Variants in POU2F1 observed in about 807,000 individuals in gnomAD.
POU2F1 encodes POU domain, class 2, transcription factor 1.
A neutral mutation model predicts 84.9 loss-of-function variants in POU2F1; 16 were observed. That is an observed-to-expected ratio of 0.19 (90% CI 0.13 to 0.29). The LOEUF (loss-of-function observed/expected upper bound fraction) is 0.29, where lower values mean the gene tolerates loss of function less well. Among genes scored for constraint, POU2F1 ranks in the 10% least tolerant of loss-of-function variants. The pLI is 1.00. For synonymous variants in POU2F1, 368 were observed against 368.3 expected (o/e 1.00, Z 0.01); for missense variants, 738 against 942.6 (o/e 0.78, Z 2.84).
At chr1:167,237,780 T>A (rs1435829936) in intron 1 of POU2F1, among the ~76,000 whole-genome samples, 2 of 118,544 alleles carry the variant, frequency 1.7e-5, no homozygotes, top group African/African-American at 7.4e-5. Context: ...ATATTTTTTT[T>A]TTTTTTTTTT....
At chr1:167,273,832 A>T (rs995828253) in intron 1 of POU2F1, among the ~76,000 whole-genome samples, 2 of 152,258 alleles carry the variant, frequency 1.3e-5, no homozygotes, top group Non-Finnish European at 2.9e-5. Context: ...ATTGCTTAAG[A>T]TAGAAAAATA....
At chr1:167,306,681 A>G in intron 1 of POU2F1, among the ~76,000 whole-genome samples, 1 of 152,112 alleles carries the variant, frequency 6.6e-6, no homozygotes, top group East Asian at 1.9e-4. Flanking sequence ...AGGTATTAGT[A>G]GGTTTGGTTC....
chr1:167,315,883 C>T (rs533834361), intron 1 of POU2F1, among the ~76,000 whole-genome samples: 11 of 151,276 alleles, frequency 7.3e-5, no homozygotes, highest in East Asian at 3.9e-4. Context: ...TAATATTCAA[C>T]GAGAAAAAGG....
intron 2 of POU2F1, among the ~76,000 whole-genome samples, chr1:167,362,676 T>A (rs964000181): frequency 2.6e-5 from 4 of 152,218 alleles, no homozygotes; most frequent in African/African-American, 9.6e-5. Flanking sequence ...CCACTGGCTC[T>A]AGGCCACTAC....
intron 1 of POU2F1, among the ~76,000 whole-genome samples, chr1:167,248,291 T>C (rs1464067836): frequency 1.3e-5 from 2 of 152,250 alleles, no homozygotes; most frequent in Non-Finnish European, 2.9e-5. Flanking sequence ...TGCTTTGTTA[T>C]ACCTTGCAAG....
intron 13 of POU2F1, among the ~76,000 whole-genome samples, chr1:167,403,668 T>C (rs893470988): frequency 7.2e-5 from 11 of 152,236 alleles, no homozygotes; most frequent in South Asian, 2.1e-4. Flanking sequence ...ATACAACTTA[T>C]GTAATGCAAT....
At chr1:167,240,519 G>C (rs911188273) in intron 1 of POU2F1, among the ~76,000 whole-genome samples, 2 of 152,090 alleles carry the variant, frequency 1.3e-5, no homozygotes, top group African/African-American at 4.8e-5. Context: ...ATAGAGAAGG[G>C]ATTCCTGCTG....
chr1:167,331,275 AAAAG>A (rs1340840077), intron 1 of POU2F1, among the ~76,000 whole-genome samples: 1 of 152,058 alleles, frequency 6.6e-6, no homozygotes, highest in Non-Finnish European at 1.5e-5. Flanking sequence ...TGAAACTTAT[AAAAG>A]AAAGACTCCT....
chr1:167,330,457 T>C (rs1031863776), intron 1 of POU2F1, among the ~76,000 whole-genome samples: 6 of 152,152 alleles, frequency 3.9e-5, no homozygotes, highest in Non-Finnish European at 7.4e-5. Context: ...ATTTACTCTT[T>C]GACATTTACT....
chr1:167,402,097 A>G (rs1327031637), intron 13 of POU2F1, among the ~76,000 whole-genome samples: 1 of 152,264 alleles, frequency 6.6e-6, no homozygotes, highest in Non-Finnish European at 1.5e-5. Context: ...TGCCTAGCTC[A>G]GTGCATGACA....
At chr1:167,290,631 C>A (rs1653859374) in intron 1 of POU2F1, among the ~76,000 whole-genome samples, 3 of 152,200 alleles carry the variant, frequency 2.0e-5, no homozygotes, top group Admixed American at 6.5e-5. Context: ...GCATAGTAAT[C>A]TCTCAAAATT....
chr1:167,414,167 T>C (rs1244093132), intron 15 of POU2F1, among the ~76,000 whole-genome samples: 1 of 152,202 alleles, frequency 6.6e-6, no homozygotes, highest in South Asian at 2.1e-4. Flanking sequence ...TTACATTATA[T>C]TGACTTTCTG....
In POU2F1 at chr1:167,324,507, C is replaced by G. The variant is rs141626976; in HGVS notation, c.62-7963C>G. ...TATTTATATGCTTTGGGTTAAAATA[C>G]AATCATTATGTACTTGTGTTTATGA... On this transcript the variant is annotated intron_variant, in intron 1 of 15. Transcript: ENST00000367866. 3.2e-3 allele frequency among the ~76,000 whole-genome samples: 486 copies of G among 152,248 alleles called. 1 individual carries two copies. The highest frequency in any genetic ancestry group is 0.01 in the African/African-American group (423 of 41,544).
intron 10 of POU2F1, among the ~76,000 whole-genome samples, chr1:167,397,508 G>A (rs1364759650): frequency 6.6e-6 from 1 of 152,150 alleles, no homozygotes; most frequent in Admixed American, 6.6e-5. Flanking sequence ...AAGGGCAGCA[G>A]AAATATCCAT....
chr1:167,277,757 A>G (rs915170009), intron 1 of POU2F1, among the ~76,000 whole-genome samples: 1 of 152,138 alleles, frequency 6.6e-6, no homozygotes, highest in African/African-American at 2.4e-5. Context: ...GGTGTCCCAC[A>G]TGTCAGTGAA....
intron 2 of POU2F1, chr1:167,337,874 G>T (rs1657578446): frequency 6.4e-6 from 2 of 311,970 alleles, no homozygotes; most frequent in Non-Finnish European, 1.3e-5. Context: ...GAAGGAATAG[G>T]CTAACAGTAC....
intron 1 of POU2F1, among the ~76,000 whole-genome samples, chr1:167,331,451 G>A (rs1657080367): frequency 6.6e-6 from 1 of 152,010 alleles, no homozygotes; most frequent in Non-Finnish European, 1.5e-5. Context: ...TTTGTTCTCT[G>A]TTAATAACTA....
At chr1:167,341,947 T>C (rs1282760913) in intron 2 of POU2F1, among the ~76,000 whole-genome samples, 2 of 152,104 alleles carry the variant, frequency 1.3e-5, no homozygotes, top group East Asian at 3.9e-4. Context: ...TGATTTCCTC[T>C]TTGACCACCC....
At position 167,241,383 on chromosome 1, in the gene POU2F1, A is replaced by T. The variant is rs535805136; in HGVS notation, c.61+20425A>T. 4 of 152,306 alleles carry T rather than the reference A, an allele frequency of 2.6e-5. No individual in the cohort carries two copies. In the South Asian group the frequency reaches 8.3e-4, roughly 32 times the overall value. The allele number at this position is 152,306 out of a possible 1,614,324, so 9.4% of individuals were successfully genotyped here. A position where few individuals can be genotyped will look rare whatever the true frequency, so the allele number is the denominator to read the frequency against. On this transcript the variant is annotated intron_variant, in intron 1 of 15. Coordinates refer to ENST00000367866, the MANE Select transcript of POU2F1 (RefSeq NM_002697.4). ...ATTTCGTTTTAAAAGGAAGGAATTAATCAGGAACCTTTTATGATTCTAGCT... is the reference window on the plus strand; with the variant it reads ...ATTTCGTTTTAAAAGGAAGGAATTATTCAGGAACCTTTTATGATTCTAGCT...
Sources: allele counts gnomAD v4.1 joint callset (sites outside exome capture counted in the v4.1 genomes callset), GRCh38; gene constraint gnomAD v4.1.1; transcripts MANE v1.5; gene names NCBI Gene and HGNC (gene_info 2026-07-23, HGNC 2026-07-21).